The following SHANK1 variants were observed in gnomAD, a reference collection of about 807,000 sequenced individuals.
The protein encoded by SHANK1 is SH3 and multiple ankyrin repeat domains protein 1.
A neutral mutation model predicts 165.6 loss-of-function variants in SHANK1; 35 were observed. The ratio of observed to expected loss-of-function variants is 0.21; its 90% CI spans 0.16 to 0.28. The LOEUF is 0.28. Ranked by LOEUF, SHANK1 falls within the 10% of genes least tolerant of loss-of-function variation. SHANK1 has a pLI of 1.00. For missense variants in SHANK1, 2,681 were observed against 3,036.4 expected (o/e 0.88, Z 2.75); for synonymous variants, 1,428 against 1,384.8 (o/e 1.03, Z -0.69).
chr19:50,668,050 C>T lies in SHANK1; in HGVS notation c.3910G>A (p.Ala1304Thr). ...SAEPYLRLES[A>T]GSGAGYGGYG... ...CCGCCGTAGCCCGCGCCGCTGCCCG[C>T]AGACTCCAGTCGGAGGTAGGGCTCG... The change falls in exon 23 of 24, where the codon GCG becomes ACG. Residue 1304 changes from alanine to threonine, a missense_variant. This residue lies in a region of SHANK1 where 1,713 missense variants were observed against 1,630.2 expected (regional missense o/e 1.05). Transcript: ENST00000293441. 6.8e-7 allele frequency: 1 copy of T among 1,479,626 alleles called. No individual in the cohort carries two copies. The highest frequency in any genetic ancestry group is 2.3e-5 in the Admixed American group (1 of 43,700). 91.7% of individuals were successfully genotyped at this position (1,479,626 alleles called of 1,614,324 possible).
chr19:50,716,896 G>A lies in SHANK1; in HGVS notation c.24C>T (p.Ser8=), dbSNP rs369833506. MTHSPAT[S]EDEERHSASE... ...TGGCACTGTGGCGTTCCTCGTCCTC[G>A]CTTGTCGCGGGGCTGTGGGTCATTG... Residue 8 remains serine, a synonymous_variant, in exon 2 of 24, where the codon AGC becomes AGT. Transcript: ENST00000293441. This position sits in a 1 kb window ranked among gnomAD's most constrained non-coding sequence, Gnocchi z 8.4. 1.4e-5 allele frequency: 20 copies of A among 1,454,472 alleles called. No homozygotes were observed. The highest frequency in any genetic ancestry group is 8.7e-5 in the Admixed American group (3 of 34,644). 90.1% of individuals were successfully genotyped at this position (1,454,472 alleles called of 1,614,324 possible).
intron 23 of SHANK1, among the ~76,000 whole-genome samples, chr19:50,663,940 CTTT>C (rs3087079): frequency 1.8e-5 from 2 of 108,930 alleles, no homozygotes; most frequent in East Asian, 2.4e-4. Flanking sequence ...CTCTCTCTCT[CTTT>C]TTTTTTTTTT....
In SHANK1 at chr19:50,668,127, G is replaced by T; in HGVS notation, c.3833C>A (p.Pro1278Gln). 6.8e-7 allele frequency: 1 copy of T among 1,476,012 alleles called. No individual in the cohort carries two copies. The highest frequency in any genetic ancestry group is 8.9e-7 in the Non-Finnish European group (1 of 1,119,408). The allele number at this position is 1,476,012 out of a possible 1,614,324, so 91.4% of individuals were successfully genotyped here. The change falls in exon 23 of 24, where the codon CCG becomes CAG. Residue 1278 changes from proline (P) to glutamine (Q), a missense_variant. Coordinates refer to ENST00000293441, the MANE Select transcript of SHANK1 (RefSeq NM_016148.5). ...TTTGGAGTGGCGCAGCCGCGGGCCC[G>T]GGGCCGCCCCTGTGCCCAGCCCGCC... ...GDGGLGTGAAPGPRLRHSKSI... is the reference protein window; with the variant it reads ...GDGGLGTGAAQGPRLRHSKSI...
At chr19:50,692,522 A>G (rs1340808533) in intron 15 of SHANK1, among the ~76,000 whole-genome samples, 1 of 149,046 alleles carries the variant, frequency 6.7e-6, no homozygotes, top group Non-Finnish European at 1.5e-5. Flanking sequence ...GTCCAACCAC[A>G]TCCAGACCCA....
Position 50,668,906 on chromosome 19 carries a change from G to C in SHANK1, c.3054C>G (p.Ala1018=). The C allele has an allele frequency of 7.7e-7, 1 of 1,293,636 alleles. No individual in the cohort carries two copies. Among genetic ancestry groups the C allele is most frequent in the Non-Finnish European group, 9.9e-7 (1 of 1,014,656 alleles). The allele number at this position is 1,293,636 out of a possible 1,614,324, so 80.1% of individuals were successfully genotyped here. A position where few individuals can be genotyped will look rare whatever the true frequency, so the allele number is the denominator to read the frequency against. The change falls in exon 23 of 24, where the codon GCC becomes GCG. Residue 1018 remains alanine, a synonymous_variant. Coordinates refer to ENST00000293441, the MANE Select transcript of SHANK1 (RefSeq NM_016148.5). ...APPPQPHHHH[A]HPPHPPEMET... ...CCATCTCGGGAGGATGAGGGGGGTGGGCGTGGTGGTGGTGGGGCTGAGGGG... is the reference window on the plus strand; with the variant it reads ...CCATCTCGGGAGGATGAGGGGGGTGCGCGTGGTGGTGGTGGGGCTGAGGGG...
In SHANK1 at chr19:50,702,718, A is replaced by G. The variant is rs1172562349; in HGVS notation, c.1554-58T>C. 16 of 892,780 alleles carry G rather than the reference A, an allele frequency of 1.8e-5. No individual in the cohort carries two copies. The African/African-American group carries it at 2.8e-4, about 15-fold the overall frequency. 55.3% of individuals were successfully genotyped at this position (892,780 alleles called of 1,614,324 possible). A position where few individuals can be genotyped will look rare whatever the true frequency, so the allele number is the denominator to read the frequency against. On this transcript the variant is annotated intron_variant, in intron 11 of 23. Coordinates refer to ENST00000293441, the MANE Select transcript of SHANK1 (RefSeq NM_016148.5). The surrounding 1 kb of genome is among the most constrained non-coding windows in gnomAD (Gnocchi z 5.3). ...GGTGGAGGGAGGGGACACCTCTGGGAGGACAGGGGTCCTTGGGTGGGGGAA... is the reference window on the plus strand; with the variant it reads ...GGTGGAGGGAGGGGACACCTCTGGGGGGACAGGGGTCCTTGGGTGGGGGAA...
rs1985523508 is a variant in SHANK1 at position 50,666,545 on chromosome 19, T to A, written c.5415A>T (p.Gly1805=). The change falls in exon 23 of 24, where the codon GGA becomes GGT. Residue 1805 remains glycine (G), a synonymous_variant. Transcript: ENST00000293441. ...DGLLALRACS[G]PPTAGVAGGP... is the part of the protein sequence containing the mutation. The stretch of plus-strand genomic sequence containing the variant: ...CCCCCGCCACGCCTGCCGTGGGGGG[T>A]CCTGAACAAGCACGCAGGGCCAGCA... 2 of 1,595,556 alleles carry A rather than the reference T, an allele frequency of 1.3e-6. No individual in the cohort carries two copies. The highest frequency in any genetic ancestry group is 2.2e-5 in the South Asian group (2 of 88,898).
At chr19:50,696,628 C>G (rs572980024) in intron 15 of SHANK1, among the ~76,000 whole-genome samples, 96 of 152,232 alleles carry the variant, frequency 6.3e-4, no homozygotes, top group Admixed American at 1.6e-3. Context: ...CCTCCTCTGC[C>G]CTTCCCTCCC....
intron 21 of SHANK1, among the ~76,000 whole-genome samples, chr19:50,682,131 C>T (rs1409343794): frequency 6.6e-6 from 1 of 152,068 alleles, no homozygotes; most frequent in African/African-American, 2.4e-5. Context: ...TCTCGGCTCA[C>T]TGTAACCTCC....
In SHANK1 at chr19:50,687,083, G is replaced by A. The variant is rs1326678305; in HGVS notation, c.2390-271C>T. 5.8e-6 allele frequency: 8 copies of A among 1,381,458 alleles called. No homozygotes were observed. The East Asian group carries it at 2.0e-4, about 35-fold the overall frequency. 85.6% of individuals were successfully genotyped at this position (1,381,458 alleles called of 1,614,324 possible). On this transcript the variant is annotated intron_variant, in intron 19 of 23. Transcript: ENST00000293441. ...CAGTAGAGGAGCCAAGAGTTAGGAC[G>A]TCAGGGGAAGGTGAGGGGCCCCCTG...
At position 50,712,025 on chromosome 19, in the gene SHANK1, G is replaced by C; in HGVS notation, c.882C>G (p.Pro294=). 2 of 1,614,000 alleles carry C rather than the reference G, an allele frequency of 1.2e-6. No individual in the cohort carries two copies. The highest frequency in any genetic ancestry group is 1.7e-6 in the Non-Finnish European group (2 of 1,179,996). Residue 294 remains proline, a synonymous_variant, in exon 7 of 24, where the codon CCC becomes CCG. Transcript: ENST00000293441. ...TGAACAGGAGCAGCTCGCAGCATCG[G>C]GGGTCACCACCCACCATGGCCGTGT... is the stretch of plus-strand genomic sequence containing the variant. The part of the protein sequence containing the change: ...LFHTAMVGGD[P]RCCELLLFNR...
intron 12 of SHANK1, among the ~76,000 whole-genome samples, chr19:50,701,969 C>T (rs1432397547): frequency 6.6e-6 from 1 of 152,150 alleles, no homozygotes; most frequent in Admixed American, 6.5e-5. Flanking sequence ...TCGTCGGGGC[C>T]CTAGAAGTAG....
Position 50,702,714 on chromosome 19 carries a change from T to C in SHANK1, c.1554-54A>G. On this transcript the variant is annotated intron_variant, in intron 11 of 23. Transcript: ENST00000293441. The surrounding 1 kb of genome is among the most constrained non-coding windows in gnomAD (Gnocchi z 5.3). Reference sequence around the variant, plus strand: ...GGAGGGTGGAGGGAGGGGACACCTCTGGGAGGACAGGGGTCCTTGGGTGGG... The same window carrying C: ...GGAGGGTGGAGGGAGGGGACACCTCCGGGAGGACAGGGGTCCTTGGGTGGG... 6.9e-6 allele frequency: 7 copies of C among 1,013,496 alleles called. No individual in the cohort carries two copies. Among genetic ancestry groups the C allele is most frequent in the Non-Finnish European group, 9.5e-6 (7 of 736,678 alleles). 62.8% of individuals were successfully genotyped at this position (1,013,496 alleles called of 1,614,324 possible). A position where few individuals can be genotyped will look rare whatever the true frequency, so the allele number is the denominator to read the frequency against.
rs774323961 is a variant in SHANK1, at chr19:50,669,023, G to T, written c.2937C>A (p.Arg979=). Reference sequence around the variant, plus strand: ...ACAGGCTCTTCTCGCGGCTCCCCACGCGAGTGTCGGGAGGGGAGGGCCCGT... The same window carrying T: ...ACAGGCTCTTCTCGCGGCTCCCCACTCGAGTGTCGGGAGGGGAGGGCCCGT... ...SFDGPSPPDT[R]VGSREKSLYH... is the part of the protein sequence containing the mutation. Residue 979 remains arginine, a synonymous_variant, in exon 23 of 24, where the codon CGC becomes CGA. Transcript: ENST00000293441. The T allele has an allele frequency of 4.7e-6, 4 of 851,144 alleles. No homozygotes were observed. The highest frequency in any genetic ancestry group is 3.6e-5 in the South Asian group (2 of 56,274). The allele number at this position is 851,144 out of a possible 1,614,324, so 52.7% of individuals were successfully genotyped here.
In SHANK1 at chr19:50,662,855, G is replaced by A. The variant is rs575415276; in HGVS notation, c.5769-173C>T. On this transcript the variant is annotated intron_variant, in intron 23 of 23. Transcript: ENST00000293441. This position sits in a 1 kb window ranked among gnomAD's most constrained non-coding sequence, Gnocchi z 7.7. The stretch of plus-strand genomic sequence containing the variant: ...GAGGGAGCAAGGGGTAAGACGGCCG[G>A]CCGTCGAGGAAAGAAATGAAGGGAG... Among the ~76,000 whole-genome samples the A allele has an allele frequency of 6.6e-6, 1 of 151,938 alleles. No individual in the cohort carries two copies. Among genetic ancestry groups the A allele is most frequent in the Non-Finnish European group, 1.5e-5 (1 of 67,966 alleles).
At chr19:50,704,301 CCT>C in intron 9 of SHANK1, 115 bp from the exon 10 acceptor site, 1 of 1,315,172 alleles carries the variant, frequency 7.6e-7, no homozygotes, top group Non-Finnish European at 1.1e-6. Context: ...ACAATGCCGC[CCT>C]CTGTCTTCTT....
rs2089115342 is a variant in SHANK1 at position 50,719,692 on chromosome 19, G to A, written c.-330C>T. Among the ~76,000 whole-genome samples the A allele has an allele frequency of 6.7e-6, 1 of 148,590 alleles. No individual in the cohort carries two copies. Among genetic ancestry groups the A allele is most frequent in the Non-Finnish European group, 1.5e-5 (1 of 66,546 alleles). On this transcript the variant is annotated 5_prime_UTR_variant, in exon 1 of 24. Transcript: ENST00000293441. ...CCCGGCTCGGTCCGGCCGGCTCCGG[G>A]CGCCGCGTCTCCGCCTGCTCTTCCT...
chr19:50,706,531 C>A (rs1223883181), intron 8 of SHANK1, among the ~76,000 whole-genome samples: 1 of 152,022 alleles, frequency 6.6e-6, no homozygotes, highest in Admixed American at 6.6e-5. Context: ...TACCACCTGC[C>A]CTTGCTCCCA....
chr19:50,659,266 G>A lies in SHANK1; in HGVS notation c.*2699C>T, dbSNP rs899767626. ...GAGGCGGGGCCGGCTCGAGGGGGTG[G>A]ATACTGTGAGTTTAATTATAAAGAA... On this transcript the variant is annotated 3_prime_UTR_variant, in exon 24 of 24. Transcript: ENST00000293441. 1 of 725,052 alleles carries A rather than the reference G, an allele frequency of 1.4e-6. No individual in the cohort carries two copies. Among genetic ancestry groups the A allele is most frequent in the Non-Finnish European group, 1.9e-6 (1 of 519,170 alleles). 44.9% of individuals were successfully genotyped at this position (725,052 alleles called of 1,614,324 possible). A position where few individuals can be genotyped will look rare whatever the true frequency, so the allele number is the denominator to read the frequency against.
Sources: gnomAD v4.1 joint callset for allele counts (sites outside exome capture counted in the v4.1 genomes callset) on GRCh38, gnomAD v4.1.1 for gene constraint, gnomAD v4.1.1 regional missense constraint, Gnocchi (gnomAD v3.1) non-coding constraint, MANE v1.5 for transcripts, NCBI Gene and HGNC (gene_info 2026-07-23, HGNC 2026-07-21) for gene names.